Variants in CSMD2 observed in about 807,000 individuals in gnomAD.
CSMD2 encodes the protein CUB and Sushi multiple domains 2.
CSMD2 carries 130 observed loss-of-function variants against 398.5 expected under a neutral mutation model. The ratio of observed to expected loss-of-function variants is 0.33; its 90% CI spans 0.28 to 0.38. CSMD2 has a LOEUF of 0.38. Ranked by LOEUF, CSMD2 falls within the 10% of genes least tolerant of loss-of-function variation. The probability of loss-of-function intolerance (pLI) is 1.00; values close to 1 mark genes in which losing one functional copy is unlikely to be tolerated. For synonymous variants in CSMD2, 1,828 were observed against 1,908.5 expected, an observed-to-expected ratio of 0.96 and a Z score of 1.10; for missense variants, 3,829 against 4,764.9, an observed-to-expected ratio of 0.80 and a Z score of 5.78.
intron 25 of CSMD2, among the ~76,000 whole-genome samples, chr1:33,672,612 T>C (rs571892207): frequency 2.0e-4 from 30 of 151,850 alleles, no homozygotes; most frequent in South Asian, 4.2e-4. Context: ...ATGAAGAGAG[T>C]AGTGGTTCTC....
At chr1:33,588,660 C>T (rs1056710247) in intron 44 of CSMD2, among the ~76,000 whole-genome samples, 32 of 152,206 alleles carry the variant, frequency 2.1e-4, no homozygotes, top group African/African-American at 5.8e-4. Context: ...TAAAACATCA[C>T]GATCACCCAA....
chr1:33,821,046 T>A (rs868260010), intron 7 of CSMD2, among the ~76,000 whole-genome samples: 7 of 152,088 alleles, frequency 4.6e-5, no homozygotes, highest in Admixed American at 1.3e-4. Flanking sequence ...AAAGCTGCAG[T>A]CAAAGTTCAA....
At chr1:34,161,365 G>A (rs951956554) in intron 1 of CSMD2, among the ~76,000 whole-genome samples, 1 of 152,226 alleles carries the variant, frequency 6.6e-6, no homozygotes, top group African/African-American at 2.4e-5. Flanking sequence ...GCTTCAGAGT[G>A]TGGTAGTGAA....
intron 10 of CSMD2, among the ~76,000 whole-genome samples, chr1:33,802,802 C>T (rs919776394): frequency 6.6e-6 from 1 of 152,156 alleles, no homozygotes; most frequent in African/African-American, 2.4e-5. Flanking sequence ...CTGTCACCAT[C>T]CCTCTTCTCC....
intron 65 of CSMD2, among the ~76,000 whole-genome samples, chr1:33,526,594 C>T (rs1326121862): frequency 1.3e-5 from 2 of 152,216 alleles, no homozygotes; most frequent in Non-Finnish European, 2.9e-5. Flanking sequence ...TTTACTGAAG[C>T]TTAAGAGGCG....
intron 25 of CSMD2, among the ~76,000 whole-genome samples, chr1:33,687,608 G>A (rs1282437149): frequency 6.6e-6 from 1 of 151,996 alleles, no homozygotes; most frequent in Non-Finnish European, 1.5e-5. Context: ...TTGAAAGAAA[G>A]CATAATACAT....
intron 36 of CSMD2, among the ~76,000 whole-genome samples, chr1:33,622,817 C>CA (rs749297738): frequency 2.6e-5 from 4 of 152,212 alleles, no homozygotes; most frequent in Non-Finnish European, 5.9e-5. Context: ...CATGACCCAG[C>CA]AATTCCACTC....
chr1:33,941,783 AC>A (rs1644682946), intron 3 of CSMD2, among the ~76,000 whole-genome samples: 1 of 152,018 alleles, frequency 6.6e-6, no homozygotes, highest in South Asian at 2.1e-4. Flanking sequence ...AGTTTTCTAT[AC>A]TTGCTGTCTC....
chr1:33,837,610 A>T (rs916772641), intron 6 of CSMD2, among the ~76,000 whole-genome samples: 9 of 152,234 alleles, frequency 5.9e-5, no homozygotes, highest in African/African-American at 2.2e-4. Context: ...ATACATGCAC[A>T]TTTCTGCGTA....
chr1:34,083,227 TGGAAA>T (rs1217302159), intron 2 of CSMD2, among the ~76,000 whole-genome samples: 16 of 152,120 alleles, frequency 1.1e-4, no homozygotes, highest in African/African-American at 3.9e-4. Flanking sequence ...AAGTGCAGCA[TGGAAA>T]ATGCTGCTAG....
chr1:34,142,793 T>C (rs1365202276), intron 1 of CSMD2, among the ~76,000 whole-genome samples: 1 of 152,160 alleles, frequency 6.6e-6, no homozygotes, highest in Non-Finnish European at 1.5e-5. Flanking sequence ...ACGGACCTGT[T>C]TTAAGGTTTA....
At chr1:33,801,520 C>T (rs568545355) in intron 10 of CSMD2, among the ~76,000 whole-genome samples, 1 of 152,300 alleles carries the variant, frequency 6.6e-6, no homozygotes, top group South Asian at 2.1e-4. Flanking sequence ...CTCCAACAGT[C>T]ACTCACATGT....
At chr1:33,793,778 A>G (rs1441017598) in intron 10 of CSMD2, among the ~76,000 whole-genome samples, 1 of 152,026 alleles carries the variant, frequency 6.6e-6, no homozygotes, top group Non-Finnish European at 1.5e-5. Flanking sequence ...GGAGGGTCCT[A>G]GTGATATTTA....
intron 16 of CSMD2, 123 bp downstream of exon 16, chr1:33,726,424 T>C: frequency 3.3e-6 from 4 of 1,202,174 alleles, no homozygotes; most frequent in Non-Finnish European, 4.6e-6. Flanking sequence ...TGGTCCAGTG[T>C]TCTCCAACCT....
chr1:33,900,429 C>T (rs963684840), intron 5 of CSMD2, among the ~76,000 whole-genome samples: 1 of 152,166 alleles, frequency 6.6e-6, no homozygotes, highest in Non-Finnish European at 1.5e-5. Context: ...CGGACACTTA[C>T]TAGCTATATT....
intron 43 of CSMD2, 99 bp downstream of exon 43, chr1:33,602,270 C>A (rs1223860870): frequency 7.6e-7 from 1 of 1,318,440 alleles, no homozygotes; most frequent in East Asian, 2.3e-5. Context: ...CCATTCACCT[C>A]TTGGTTTTTC....
At chr1:33,733,753 C>A (rs190946252) in intron 15 of CSMD2, among the ~76,000 whole-genome samples, 1 of 152,330 alleles carries the variant, frequency 6.6e-6, no homozygotes, top group African/African-American at 2.4e-5. Context: ...AAGGTGCCTG[C>A]TTCTCTTTTG....
intron 37 of CSMD2, 74 bp downstream of exon 37, chr1:33,622,093 C>T: frequency 9.1e-7 from 1 of 1,099,204 alleles, no homozygotes; most frequent in Middle Eastern, 2.0e-4. Context: ...CAGTTTAATC[C>T]TTGCTCAGAA....
At chr1:33,523,658 G>A (rs1036532251) in intron 66 of CSMD2, among the ~76,000 whole-genome samples, 2 of 152,160 alleles carry the variant, frequency 1.3e-5, no homozygotes, top group African/African-American at 2.4e-5. Flanking sequence ...TTGGATTACC[G>A]GGTTGAGGTT....
Sources: gnomAD v4.1 joint callset for allele counts (sites outside exome capture counted in the v4.1 genomes callset) on GRCh38, gnomAD v4.1.1 for gene constraint, MANE v1.5 for transcripts, NCBI Gene and HGNC (gene_info 2026-07-23, HGNC 2026-07-21) for gene names.